UTRN: variants seen among roughly 807,000 people sequenced by gnomAD.
UTRN encodes dystrophin-related protein 1.
Under a neutral mutation model 463.9 loss-of-function variants are expected in UTRN, and 283 were observed. The ratio of observed to expected loss-of-function variants is 0.61; its 90% CI spans 0.55 to 0.67. The LOEUF (loss-of-function observed/expected upper bound fraction) is 0.67, where lower values mean the gene tolerates loss of function less well. UTRN is among the 30% of genes least tolerant of loss of function. UTRN has a pLI of 0.00. For synonymous variants in UTRN, 1,442 were observed against 1,431.5 expected, an observed-to-expected ratio of 1.01 and a Z score of -0.17; for missense variants, 3,922 against 4,084.3, an observed-to-expected ratio of 0.96 and a Z score of 1.08.
intron 51 of UTRN, among the ~76,000 whole-genome samples, chr6:144,603,197 G>A (rs1804452317): frequency 6.6e-6 from 1 of 152,060 alleles, no homozygotes; most frequent in Admixed American, 6.6e-5. Context: ...TGCATTTTGT[G>A]TTCTGGACAA....
Position 144,748,290 on chromosome 6 carries a change from C to G in UTRN, c.7984C>G (p.Arg2662Gly). Residue 2662 changes from arginine (R) to glycine (G), a missense_variant, in exon 55 of 75, where the codon CGC (arginine) becomes GGC (glycine). Physicochemically the swap from Arg to Gly is moderately radical, Grantham distance 125 (BLOSUM62 -2). Transcript: ENST00000367545. The stretch of plus-strand genomic sequence containing the variant: ...AGCCCAAAAGATTGCCAAAGCCATG[C>G]GCAAACAGTCTTCTGAAGTCAAAGA... ...ERAQKIAKAMRKQSSEVKEKW... is the reference protein window; with the variant it reads ...ERAQKIAKAMGKQSSEVKEKW... The G allele has an allele frequency of 1.2e-6, 2 of 1,612,788 alleles. No individual in the cohort carries two copies. The highest frequency in any genetic ancestry group is 1.7e-5 in the Admixed American group (1 of 59,982).
At chr6:144,426,486 G>C in intron 7 of UTRN, 27 bp downstream of exon 7, 3 of 1,587,760 alleles carry the variant, frequency 1.9e-6, no homozygotes, top group South Asian at 2.3e-5. Context: ...TCTAGAAGTG[G>C]GCTTTACAAA....
At chr6:144,675,492 G>T (rs1781498720) in intron 51 of UTRN, among the ~76,000 whole-genome samples, 1 of 152,230 alleles carries the variant, frequency 6.6e-6, no homozygotes, top group African/African-American at 2.4e-5. Context: ...TTAAGCTGAT[G>T]TGTGGTAAGC....
intron 64 of UTRN, among the ~76,000 whole-genome samples, chr6:144,801,612 A>G (rs1399879706): frequency 6.6e-6 from 1 of 152,220 alleles, no homozygotes; most frequent in Non-Finnish European, 1.5e-5. Context: ...TAAAATGTTA[A>G]TGAAATCTTA....
At chr6:144,540,978 C>A (rs1449165506) in intron 45 of UTRN, among the ~76,000 whole-genome samples, 1 of 152,228 alleles carries the variant, frequency 6.6e-6, no homozygotes, top group African/African-American at 2.4e-5. Context: ...CTGCTTCTTA[C>A]AACCCCCATT....
chr6:144,488,881 G>A, intron 30 of UTRN, 47 bp downstream of exon 30: 2 of 1,493,620 alleles, frequency 1.3e-6, no homozygotes, highest in Non-Finnish European at 1.8e-6. Flanking sequence ...GAGAGCTTTT[G>A]TAATTGCCTC....
chr6:144,582,984 A>G (rs753758186), intron 51 of UTRN, among the ~76,000 whole-genome samples: 5 of 152,106 alleles, frequency 3.3e-5, no homozygotes, highest in Non-Finnish European at 5.9e-5. Flanking sequence ...CTAGAGCTGC[A>G]TTTATTGGGT....
Position 144,482,690 on chromosome 6 carries a change from T to G in UTRN, c.3687+302T>G, listed in dbSNP as rs1792025169. ...CTTTTTTTATAGGTGCAATCCAGGT[T>G]TTCATGTAACAGATGATCTGTAGGG... is the stretch of plus-strand genomic sequence containing the variant. On this transcript the variant is annotated intron_variant, in intron 27 of 74. Coordinates refer to ENST00000367545, the MANE Select transcript of UTRN (RefSeq NM_007124.3). Among the ~76,000 whole-genome samples, 5 of 152,246 alleles carry G rather than the reference T, an allele frequency of 3.3e-5. No individual in the cohort carries two copies. The South Asian group carries it at 1.0e-3, about 32-fold the overall frequency.
At chr6:144,402,467 G>A (rs1783012546) in intron 2 of UTRN, among the ~76,000 whole-genome samples, 1 of 152,102 alleles carries the variant, frequency 6.6e-6, no homozygotes, top group Non-Finnish European at 1.5e-5. Context: ...GTCTTTTAAA[G>A]TAACTTTTCT....
chr6:144,654,219 T>A (rs1323548112), intron 51 of UTRN, among the ~76,000 whole-genome samples: 4 of 152,208 alleles, frequency 2.6e-5, no homozygotes, highest in Non-Finnish European at 2.9e-5. Flanking sequence ...GAATGCAGAA[T>A]GGGTTCCTAA....
intron 51 of UTRN, among the ~76,000 whole-genome samples, chr6:144,675,359 G>A (rs1156586718): frequency 6.6e-6 from 1 of 152,202 alleles, no homozygotes; most frequent in South Asian, 2.1e-4. Flanking sequence ...AGTGGAGGCT[G>A]CAGGGGAGTG....
At chr6:144,576,946 C>T (rs1206915618) in intron 50 of UTRN, among the ~76,000 whole-genome samples, 153 bp from the exon 51 acceptor site, 2 of 152,166 alleles carry the variant, frequency 1.3e-5, no homozygotes, top group East Asian at 1.9e-4. Flanking sequence ...TTATTCAAGA[C>T]ACACATACAG....
intron 2 of UTRN, among the ~76,000 whole-genome samples, chr6:144,353,413 C>A (rs1778284638): frequency 2.1e-5 from 3 of 143,758 alleles, no homozygotes; most frequent in South Asian, 4.6e-4. Context: ...CGTGCCCGGC[C>A]CTTCTGATTT....
intron 53 of UTRN, among the ~76,000 whole-genome samples, chr6:144,720,635 A>G (rs1787031688): frequency 1.3e-5 from 2 of 152,306 alleles, no homozygotes; most frequent in South Asian, 4.1e-4. Context: ...AAGGTACACA[A>G]TCGGACAAGC....
intron 2 of UTRN, among the ~76,000 whole-genome samples, chr6:144,348,874 T>G (rs1022732660): frequency 6.6e-6 from 1 of 151,876 alleles, no homozygotes; most frequent in Non-Finnish European, 1.5e-5. Flanking sequence ...GCAGAGGTTG[T>G]GGTGAGCAGA....
intron 25 of UTRN, among the ~76,000 whole-genome samples, chr6:144,476,425 GAGACCTAAGGA>G (rs1193742341): frequency 3.3e-5 from 5 of 152,058 alleles, no homozygotes; most frequent in African/African-American, 1.2e-4. Context: ...AAATAAAGAA[GAGACCTAAGGA>G]AAGAATTGGA....
At chr6:144,375,779 A>T (rs980148334) in intron 2 of UTRN, among the ~76,000 whole-genome samples, 1 of 152,048 alleles carries the variant, frequency 6.6e-6, no homozygotes. Flanking sequence ...GCTGGTTGGA[A>T]TGTATCCATT....
In UTRN at chr6:144,657,062, C is replaced by G. The variant is rs557629033; in HGVS notation, c.7480-21344C>G. On this transcript the variant is annotated intron_variant, in intron 51 of 74. Coordinates refer to ENST00000367545, the MANE Select transcript of UTRN (RefSeq NM_007124.3). ...GGTCAGGAGTTCGAGACCAGCCTGA[C>G]GAACATGGAGAAATCCCGTCTCTAC... Among the ~76,000 whole-genome samples, 20 of 152,156 alleles carry G rather than the reference C, an allele frequency of 1.3e-4. No homozygotes were observed. In the East Asian group the frequency reaches 2.9e-3, roughly 22 times the overall value.
intron 51 of UTRN, among the ~76,000 whole-genome samples, chr6:144,621,294 T>C (rs1476439018): frequency 2.0e-5 from 3 of 152,232 alleles, no homozygotes; most frequent in African/African-American, 2.4e-5. Flanking sequence ...GATAGTTGTT[T>C]TATTGCTAAT....
Sources: gnomAD v4.1 joint callset for allele counts (sites outside exome capture counted in the v4.1 genomes callset) on GRCh38, gnomAD v4.1.1 for gene constraint, MANE v1.5 for transcripts, NCBI Gene and HGNC (gene_info 2026-07-23, HGNC 2026-07-21) for gene names.